Variants in RANBP2 observed in about 807,000 individuals in gnomAD.
The protein encoded by RANBP2 is E3 SUMO-protein ligase RanBP2.
RANBP2 carries 57 observed loss-of-function variants against 303.6 expected under a neutral mutation model. The observed-to-expected ratio is 0.19, with a 90% CI of 0.15 to 0.23. The LOEUF (loss-of-function observed/expected upper bound fraction) is 0.23. RANBP2 is among the 10% of genes least tolerant of loss of function. RANBP2 has a pLI of 1.00. For missense variants in RANBP2, 3,138 were observed against 3,780.8 expected, an observed-to-expected ratio of 0.83 and a Z score of 4.46; for synonymous variants, 1,167 against 1,301.5, an observed-to-expected ratio of 0.90 and a Z score of 2.23.
the RANBP2 span, among the ~76,000 whole-genome samples, chr2:109,207,901 A>G: frequency 6.6e-6 from 1 of 152,048 alleles, no homozygotes; most frequent in African/African-American, 2.4e-5. Context: ...CTGTATCATC[A>G]TTTTCCCAGG....
chr2:109,146,759 C>G, the RANBP2 span, among the ~76,000 whole-genome samples: 1 of 151,310 alleles, frequency 6.6e-6, no homozygotes, highest in African/African-American at 2.4e-5. Flanking sequence ...ATCCTTCCTT[C>G]GAAAACTTGC....
the RANBP2 span, among the ~76,000 whole-genome samples, chr2:109,583,185 G>T: frequency 6.6e-6 from 1 of 152,016 alleles, no homozygotes. Flanking sequence ...TTAAACTAAA[G>T]AGCTTCTACA....
chr2:108,754,626 G>T (rs1210595675), intron 15 of RANBP2, among the ~76,000 whole-genome samples: 2 of 151,494 alleles, frequency 1.3e-5, no homozygotes, highest in African/African-American at 4.9e-5. Flanking sequence ...AGAAGTAATA[G>T]AAAGAGCATG....
At chr2:109,209,333 G>T in the RANBP2 span, among the ~76,000 whole-genome samples, 1 of 152,186 alleles carries the variant, frequency 6.6e-6, no homozygotes, top group Non-Finnish European at 1.5e-5. Context: ...CTTGGCTCCA[G>T]TGGTGTGCTG....
At chr2:109,579,062 G>C in the RANBP2 span, among the ~76,000 whole-genome samples, 2 of 152,094 alleles carry the variant, frequency 1.3e-5, no homozygotes, top group Non-Finnish European at 2.9e-5. Context: ...AAAAAGAAAA[G>C]CAGCACAAAC....
the RANBP2 span, among the ~76,000 whole-genome samples, chr2:109,325,331 CTTTTTTTT>C: frequency 4.7e-4 from 31 of 66,276 alleles, no homozygotes; most frequent in African/African-American, 1.7e-3. Context: ...TTCTTTCTTT[CTTTTTTTT>C]TTTTTTTTTT....
the RANBP2 span, among the ~76,000 whole-genome samples, chr2:109,161,843 G>A: frequency 5.9e-5 from 9 of 151,850 alleles, no homozygotes; most frequent in African/African-American, 1.9e-4. Flanking sequence ...ATCGGGCCCC[G>A]TCCAACATTG....
chr2:108,787,853 A>C (rs1267410081), downstream of RANBP2: 1 of 183,268 alleles, frequency 5.5e-6, no homozygotes, highest in Non-Finnish European at 1.0e-5. Context: ...TGTGGGGAGG[A>C]ACATGACGTT....
the RANBP2 span, among the ~76,000 whole-genome samples, chr2:109,631,934 G>T: frequency 2.0e-5 from 3 of 152,030 alleles, no homozygotes; most frequent in Non-Finnish European, 2.9e-5. Context: ...CAAGATGGGG[G>T]CTGGTTACCA....
chr2:109,592,574 G>A, the RANBP2 span, among the ~76,000 whole-genome samples: 1 of 151,964 alleles, frequency 6.6e-6, no homozygotes, highest in Non-Finnish European at 1.5e-5. Flanking sequence ...GAGGTCAGGA[G>A]TTCAAAACTA....
At chr2:109,658,481 T>C in the RANBP2 span, among the ~76,000 whole-genome samples, 18 of 151,864 alleles carry the variant, frequency 1.2e-4, no homozygotes, top group East Asian at 3.5e-3. Context: ...AGAACCACAA[T>C]ATTCTCTTTT....
the RANBP2 span, among the ~76,000 whole-genome samples, chr2:109,349,016 T>C: frequency 6.6e-6 from 1 of 152,158 alleles, no homozygotes; most frequent in African/African-American, 2.4e-5. Context: ...TCTGTGTCAG[T>C]ATTTCTCTCT....
the RANBP2 span, among the ~76,000 whole-genome samples, chr2:109,190,402 G>A: frequency 1.3e-3 from 203 of 152,334 alleles, no homozygotes; most frequent in Middle Eastern, 3.4e-3. Flanking sequence ...TCAAATTCCT[G>A]ACCTCAGGCG....
chr2:109,258,655 G>A, the RANBP2 span, among the ~76,000 whole-genome samples: 114,830 of 152,264 alleles, frequency 0.75, 43,845 homozygotes, highest in East Asian at 0.9. Context: ...GCAGGTCACC[G>A]GTACCTCTAG....
chr2:109,335,136 G>A, the RANBP2 span, among the ~76,000 whole-genome samples: 5 of 152,308 alleles, frequency 3.3e-5, no homozygotes, highest in African/African-American at 9.6e-5. Flanking sequence ...GAGCAGATTC[G>A]TCAGGACGTT....
the RANBP2 span, among the ~76,000 whole-genome samples, chr2:109,088,322 G>A: frequency 2.0e-5 from 3 of 148,468 alleles, no homozygotes; most frequent in Admixed American, 6.8e-5. Context: ...GCTTGAACCC[G>A]GGAGGCGGAG....
chr2:109,416,181 A>G, the RANBP2 span, among the ~76,000 whole-genome samples: 2 of 152,222 alleles, frequency 1.3e-5, no homozygotes, highest in Non-Finnish European at 2.9e-5. Flanking sequence ...AGACTAAGAC[A>G]TTCCCTAACA....
chr2:109,574,871 CAGTT>C, the RANBP2 span: 16 of 714,454 alleles, frequency 2.2e-5, no homozygotes, highest in East Asian at 2.4e-4. Flanking sequence ...AATTAATAAA[CAGTT>C]AATATCTATG....
At chr2:109,254,080 A>G in the RANBP2 span, among the ~76,000 whole-genome samples, 3 of 152,058 alleles carry the variant, frequency 2.0e-5, no homozygotes, top group African/African-American at 7.2e-5. Flanking sequence ...TTTCTGACCC[A>G]CATGAGAATT....
Sources: allele counts gnomAD v4.1 joint callset (sites outside exome capture counted in the v4.1 genomes callset), GRCh38; gene constraint gnomAD v4.1.1; transcripts MANE v1.5; gene names NCBI Gene and HGNC (gene_info 2026-07-23, HGNC 2026-07-21).